The following SSBP2 variants were observed in gnomAD, a reference collection of about 807,000 sequenced individuals.
SSBP2 encodes single stranded DNA binding protein 2.
A neutral mutation model predicts 61.8 loss-of-function variants in SSBP2; 17 were observed. The observed-to-expected ratio is 0.28, with a 90% CI of 0.19 to 0.41. The LOEUF is 0.41. Among genes scored for constraint, SSBP2 ranks in the 10% least tolerant of loss-of-function variants. The pLI, the probability that SSBP2 is intolerant of heterozygous loss-of-function variation, is 1.00. For missense variants in SSBP2, 310 were observed against 458.7 expected, an observed-to-expected ratio of 0.68 and a Z score of 2.96; for synonymous variants, 139 against 141.3, an observed-to-expected ratio of 0.98 and a Z score of 0.12.
At chr5:81,682,788 C>T (rs1752493970) in intron 1 of SSBP2, among the ~76,000 whole-genome samples, 1 of 151,888 alleles carries the variant, frequency 6.6e-6, no homozygotes, top group Non-Finnish European at 1.5e-5. Flanking sequence ...AAAAAAACAC[C>T]CTTGCTGGAA....
chr5:81,457,605 A>G (rs1764248712), intron 10 of SSBP2, among the ~76,000 whole-genome samples: 1 of 152,194 alleles, frequency 6.6e-6, no homozygotes, highest in Non-Finnish European at 1.5e-5. Flanking sequence ...AATTAACATC[A>G]ACAATAATGG....
chr5:81,731,073 A>G (rs1451820203), intron 1 of SSBP2, among the ~76,000 whole-genome samples: 1 of 152,226 alleles, frequency 6.6e-6, no homozygotes, highest in African/African-American at 2.4e-5. Flanking sequence ...AACTTCAATG[A>G]AAACAAGTGG....
chr5:81,715,240 A>T (rs1755099155), intron 1 of SSBP2, among the ~76,000 whole-genome samples: 1 of 152,178 alleles, frequency 6.6e-6, no homozygotes. Flanking sequence ...TTCTAGGTCA[A>T]AAGAAGCCAC....
chr5:81,501,654 T>C (rs917252678), intron 5 of SSBP2, among the ~76,000 whole-genome samples: 7 of 148,536 alleles, frequency 4.7e-5, no homozygotes, highest in Non-Finnish European at 7.4e-5. Context: ...GCTCCGCCTC[T>C]CGGGTTCACG....
At chr5:81,437,360 T>C (rs920674522) in intron 15 of SSBP2, 70 bp downstream of exon 15, 3 of 1,431,146 alleles carry the variant, frequency 2.1e-6, no homozygotes, top group Admixed American at 4.4e-5. Flanking sequence ...AAATTTACTC[T>C]AATAATTTTA....
intron 4 of SSBP2, among the ~76,000 whole-genome samples, chr5:81,584,281 AC>A (rs1456924500): frequency 6.6e-6 from 1 of 152,200 alleles, no homozygotes; most frequent in African/African-American, 2.4e-5. Context: ...TCCTAGTAAT[AC>A]GCATTATATT....
chr5:81,493,499 T>A (rs1428869251), intron 5 of SSBP2, among the ~76,000 whole-genome samples: 1 of 152,080 alleles, frequency 6.6e-6, no homozygotes, highest in African/African-American at 2.4e-5. Context: ...CTCACACCTG[T>A]AATCCCAACA....
chr5:81,628,215 T>C (rs924637258), intron 3 of SSBP2, among the ~76,000 whole-genome samples: 1 of 152,174 alleles, frequency 6.6e-6, no homozygotes, highest in East Asian at 1.9e-4. Flanking sequence ...CAGATTCACA[T>C]GGCGACAGCA....
chr5:81,734,609 T>C (rs1212755901), intron 1 of SSBP2, among the ~76,000 whole-genome samples: 3 of 152,220 alleles, frequency 2.0e-5, no homozygotes, highest in African/African-American at 4.8e-5. Flanking sequence ...TAACTTACAA[T>C]TGATATCAAA....
chr5:81,703,009 T>C (rs1754098184), intron 1 of SSBP2, among the ~76,000 whole-genome samples: 1 of 152,228 alleles, frequency 6.6e-6, no homozygotes, highest in South Asian at 2.1e-4. Flanking sequence ...AGTTGGTCAT[T>C]TTAATGAGGG....
At chr5:81,715,225 G>C (rs1378792745) in intron 1 of SSBP2, among the ~76,000 whole-genome samples, 1 of 152,048 alleles carries the variant, frequency 6.6e-6, no homozygotes, top group Admixed American at 6.6e-5. Flanking sequence ...GAACAGAGTA[G>C]GATTTTCTAG....
intron 6 of SSBP2, among the ~76,000 whole-genome samples, chr5:81,487,806 C>T (rs1014517366): frequency 6.6e-6 from 1 of 150,954 alleles, no homozygotes; most frequent in Non-Finnish European, 1.5e-5. Flanking sequence ...CTTTGATCAA[C>T]ACCTTCCTAT....
At chr5:81,750,800 C>G in intron 1 of SSBP2, 181 bp downstream of exon 1, 1 of 682,004 alleles carries the variant, frequency 1.5e-6, no homozygotes, top group South Asian at 1.9e-5. Context: ...CCAGCGCCCG[C>G]ACCTCCCGGG....
At chr5:81,729,031 T>C (rs528430865) in intron 1 of SSBP2, among the ~76,000 whole-genome samples, 62 of 152,296 alleles carry the variant, frequency 4.1e-4, no homozygotes, top group Admixed American at 3.3e-3. Flanking sequence ...AGAGAGGTGA[T>C]ATGTTAATTA....
At chr5:81,690,529 A>G (rs554599942) in intron 1 of SSBP2, among the ~76,000 whole-genome samples, 3 of 152,288 alleles carry the variant, frequency 2.0e-5, no homozygotes, top group African/African-American at 7.2e-5. Flanking sequence ...AGCAAAGAAT[A>G]TAACAATTGT....
intron 1 of SSBP2, among the ~76,000 whole-genome samples, chr5:81,748,019 AG>A (rs1757465213): frequency 6.6e-6 from 1 of 152,210 alleles, no homozygotes; most frequent in Non-Finnish European, 1.5e-5. Context: ...CTGAAATTAC[AG>A]GAATTGTGTA....
At chr5:81,517,900 G>A (rs1325999453) in intron 4 of SSBP2, among the ~76,000 whole-genome samples, 4 of 151,616 alleles carry the variant, frequency 2.6e-5, no homozygotes, top group Non-Finnish European at 4.4e-5. Context: ...TCTCTGGTAG[G>A]GAAAAAAAGT....
chr5:81,735,780 G>A (rs960070885), intron 1 of SSBP2, among the ~76,000 whole-genome samples: 1 of 151,894 alleles, frequency 6.6e-6, no homozygotes, highest in Non-Finnish European at 1.5e-5. Flanking sequence ...TATTGACAGA[G>A]CAAAATATAA....
At chr5:81,589,240 GAC>G (rs1437531901) in intron 4 of SSBP2, among the ~76,000 whole-genome samples, 4 of 152,270 alleles carry the variant, frequency 2.6e-5, no homozygotes, top group Admixed American at 1.3e-4. Context: ...AAGGTTAAAA[GAC>G]ATATTTTGAG....
Sources: gnomAD v4.1 joint callset for allele counts (sites outside exome capture counted in the v4.1 genomes callset) on GRCh38, gnomAD v4.1.1 for gene constraint, MANE v1.5 for transcripts, NCBI Gene and HGNC (gene_info 2026-07-23, HGNC 2026-07-21) for gene names.